The following VOPP1 variants were observed in gnomAD, a reference collection of about 807,000 sequenced individuals.
VOPP1 encodes WW domain binding protein VOPP1.
In VOPP1, 8 loss-of-function variants were observed where a neutral mutation model predicts 23.5. The ratio of observed to expected loss-of-function variants is 0.34; its 90% CI spans 0.20 to 0.61. The LOEUF (loss-of-function observed/expected upper bound fraction) is 0.61, where lower values mean the gene tolerates loss of function less well. VOPP1 is among the 20% of genes least tolerant of loss of function. The pLI, the probability that VOPP1 is intolerant of heterozygous loss-of-function variation, is 0.78. For synonymous variants in VOPP1, 83 were observed against 97.3 expected (o/e 0.85, Z 0.86); for missense variants, 174 against 238.1 (o/e 0.73, Z 1.77).
At chr7:55,538,570 T>C (rs1584073313) in intron 1 of VOPP1, 1 of 1,520,072 alleles carries the variant, frequency 6.6e-7, no homozygotes, top group African/African-American at 1.4e-5. Context: ...GTAAACTGCT[T>C]TACATGGTTT....
At chr7:55,457,643 A>G (rs755061533) in intron 4 of VOPP1, among the ~76,000 whole-genome samples, 24 of 151,946 alleles carry the variant, frequency 1.6e-4, no homozygotes, top group Non-Finnish European at 3.1e-4. Flanking sequence ...CTTTTTAATA[A>G]TAGTCATTCT....
chr7:55,442,171 G>A (rs942581898), intron 4 of VOPP1, among the ~76,000 whole-genome samples: 37 of 152,214 alleles, frequency 2.4e-4, no homozygotes, highest in African/African-American at 8.2e-4. Context: ...TGACATGTGA[G>A]GCGGCTGAGG....
chr7:55,465,677 G>C (rs1324998783), downstream of VOPP1, among the ~76,000 whole-genome samples: 1 of 152,206 alleles, frequency 6.6e-6, no homozygotes, highest in African/African-American at 2.4e-5. Flanking sequence ...ATAAACAATA[G>C]GTAGTATAAT....
chr7:55,535,393 G>T (rs934356017), intron 1 of VOPP1, among the ~76,000 whole-genome samples: 10 of 152,198 alleles, frequency 6.6e-5, no homozygotes, highest in African/African-American at 1.9e-4. Flanking sequence ...AGGGCACTGG[G>T]GCAGGCTCCC....
At chr7:55,547,630 G>A (rs550606464) in intron 1 of VOPP1, among the ~76,000 whole-genome samples, 8 of 152,226 alleles carry the variant, frequency 5.3e-5, no homozygotes, top group East Asian at 1.9e-4. Context: ...GGGAATGATC[G>A]TCTCCTACTA....
At chr7:55,445,963 A>G (rs1015306968) in intron 4 of VOPP1, among the ~76,000 whole-genome samples, 9 of 151,266 alleles carry the variant, frequency 5.9e-5, no homozygotes, top group Admixed American at 5.9e-4. Context: ...CTATTGGATA[A>G]CACTGTTGTG....
chr7:55,518,434 G>T (rs904983109), intron 2 of VOPP1, among the ~76,000 whole-genome samples: 5 of 152,234 alleles, frequency 3.3e-5, no homozygotes. Flanking sequence ...CAGGCAGCAG[G>T]GTTATGGAAT....
chr7:55,444,715 C>CT (rs34123434), intron 4 of VOPP1, among the ~76,000 whole-genome samples: 119,224 of 147,622 alleles, frequency 0.81, 48,393 homozygotes, highest in Admixed American at 0.87. Context: ...CGTAGAAACT[C>CT]TTTTTTTTTT....
intron 2 of VOPP1, chr7:55,516,014 G>A (rs1795384213): frequency 1.0e-6 from 1 of 985,524 alleles, no homozygotes; most frequent in Non-Finnish European, 1.2e-6. Context: ...AGGAGCTGAG[G>A]AAGCGAGGCC....
At chr7:55,561,645 C>T (rs567072386) in intron 1 of VOPP1, among the ~76,000 whole-genome samples, 130 of 142,348 alleles carry the variant, frequency 9.1e-4, no homozygotes, top group African/African-American at 3.2e-3. Flanking sequence ...TGCAGTGAGC[C>T]AAGATCATGC....
intron 1 of VOPP1, among the ~76,000 whole-genome samples, chr7:55,556,672 G>A (rs1341786247): frequency 3.4e-5 from 5 of 147,648 alleles, no homozygotes; most frequent in African/African-American, 1.2e-4. Context: ...TGAGAGAAAT[G>A]TGACTGTGAT....
chr7:55,490,342 G>C (rs918194241), intron 4 of VOPP1, among the ~76,000 whole-genome samples: 23 of 152,126 alleles, frequency 1.5e-4, no homozygotes, highest in African/African-American at 5.6e-4. Context: ...AGCGGGGTTA[G>C]GTGGGGTGTG....
At chr7:55,561,041 G>A (rs1330281538) in intron 1 of VOPP1, among the ~76,000 whole-genome samples, 1 of 152,076 alleles carries the variant, frequency 6.6e-6, no homozygotes, top group Non-Finnish European at 1.5e-5. Flanking sequence ...CTGTATCCAA[G>A]ACTGCCCGAA....
intron 4 of VOPP1, among the ~76,000 whole-genome samples, chr7:55,461,165 CG>C (rs1408725985): frequency 6.6e-6 from 1 of 151,878 alleles, no homozygotes; most frequent in African/African-American, 2.4e-5. Context: ...TGTTCTCACT[CG>C]TAAGTGGGAG....
downstream of VOPP1, among the ~76,000 whole-genome samples, chr7:55,466,062 C>T (rs1413840649): frequency 6.6e-6 from 1 of 152,104 alleles, no homozygotes; most frequent in African/African-American, 2.4e-5. Context: ...GAGAGAGAAC[C>T]CCTCACCCTT....
At chr7:55,482,181 C>T (rs1273803822) in intron 4 of VOPP1, among the ~76,000 whole-genome samples, 9 of 151,252 alleles carry the variant, frequency 6.0e-5, no homozygotes, top group Non-Finnish European at 8.8e-5. Context: ...TCAAAGAACA[C>T]GCAAAAAAAA....
At chr7:55,510,045 G>A (rs1040145561) in intron 2 of VOPP1, among the ~76,000 whole-genome samples, 3 of 152,058 alleles carry the variant, frequency 2.0e-5, no homozygotes, top group Non-Finnish European at 2.9e-5. Context: ...ATTTCTTGTG[G>A]CCCAATAATA....
chr7:55,493,404 G>A (rs1793720286), intron 3 of VOPP1, among the ~76,000 whole-genome samples: 1 of 152,270 alleles, frequency 6.6e-6, no homozygotes, highest in Admixed American at 6.5e-5. Flanking sequence ...GTCGCAGTCA[G>A]TGGCACTGGT....
intron 4 of VOPP1, among the ~76,000 whole-genome samples, chr7:55,479,071 T>G (rs1792494372): frequency 6.6e-6 from 1 of 152,188 alleles, no homozygotes; most frequent in African/African-American, 2.4e-5. Flanking sequence ...AATTCTTTCT[T>G]ATTTTTGAAG....
Sources: gnomAD v4.1 joint callset for allele counts (sites outside exome capture counted in the v4.1 genomes callset) on GRCh38, gnomAD v4.1.1 for gene constraint, MANE v1.5 for transcripts, NCBI Gene and HGNC (gene_info 2026-07-23, HGNC 2026-07-21) for gene names.